Variants in CCSER1 observed in about 807,000 individuals in gnomAD.
CCSER1 encodes the protein coiled-coil serine rich protein 1.
Under a neutral mutation model 82.0 loss-of-function variants are expected in CCSER1, and 41 were observed. That is an observed-to-expected ratio of 0.50 (90% confidence interval 0.39 to 0.65). The LOEUF (loss-of-function observed/expected upper bound fraction) is 0.65, where lower values mean the gene tolerates loss of function less well. CCSER1 is among the 30% of genes least tolerant of loss of function. CCSER1 has a pLI of 0.00. For missense variants in CCSER1, 1,119 were observed against 1,064.2 expected (o/e 1.05, Z -0.72); for synonymous variants, 414 against 383.9 (o/e 1.08, Z -0.92).
intron 9 of CCSER1, among the ~76,000 whole-genome samples, chr4:90,995,253 G>A (rs1291515350): frequency 6.6e-6 from 1 of 152,134 alleles, no homozygotes; most frequent in Non-Finnish European, 1.5e-5. Context: ...GGAATGAATG[G>A]TGTGTTAAGT....
chr4:90,841,411 T>G (rs2149875118), intron 8 of CCSER1, among the ~76,000 whole-genome samples: 1 of 151,752 alleles, frequency 6.6e-6, no homozygotes, highest in African/African-American at 2.4e-5. Flanking sequence ...ACCCCGTCTC[T>G]ACTAAAAATA....
chr4:90,355,240 C>G (rs1368071912), intron 3 of CCSER1, among the ~76,000 whole-genome samples: 1 of 151,262 alleles, frequency 6.6e-6, no homozygotes, highest in East Asian at 1.9e-4. Context: ...TCCTATTTAT[C>G]AAATAGATAC....
intron 6 of CCSER1, among the ~76,000 whole-genome samples, chr4:90,662,279 G>A (rs1730967376): frequency 6.6e-6 from 1 of 152,046 alleles, no homozygotes; most frequent in South Asian, 2.1e-4. Flanking sequence ...TTACAGGCCT[G>A]AGCCACCATG....
At chr4:90,146,284 A>G (rs968498598) in intron 1 of CCSER1, among the ~76,000 whole-genome samples, 6 of 152,090 alleles carry the variant, frequency 3.9e-5, no homozygotes, top group African/African-American at 1.4e-4. Flanking sequence ...AGATCAGAGG[A>G]ATATTTTAAT....
At chr4:90,232,989 G>A (rs964479481) in intron 1 of CCSER1, among the ~76,000 whole-genome samples, 1 of 151,474 alleles carries the variant, frequency 6.6e-6, no homozygotes, top group East Asian at 1.9e-4. Context: ...TGCTGGAGAG[G>A]ATGTGGAGAA....
chr4:91,401,505 C>T (rs770596704), intron 10 of CCSER1, among the ~76,000 whole-genome samples: 2 of 151,800 alleles, frequency 1.3e-5, no homozygotes, highest in African/African-American at 2.4e-5. Flanking sequence ...CCCATTAACT[C>T]GTCATTTAAA....
intron 6 of CCSER1, among the ~76,000 whole-genome samples, chr4:90,687,209 C>CT (rs1734971877): frequency 6.6e-6 from 1 of 152,000 alleles, no homozygotes; most frequent in African/African-American, 2.4e-5. Context: ...ATGTAAAATT[C>CT]TTTTTTTCAA....
chr4:90,908,430 AG>A (rs1314938242), intron 8 of CCSER1, among the ~76,000 whole-genome samples: 2 of 152,106 alleles, frequency 1.3e-5, no homozygotes, highest in African/African-American at 4.8e-5. Flanking sequence ...AGGTGATATA[AG>A]GCAGGGGCTG....
chr4:91,331,831 A>G (rs1358832178), intron 10 of CCSER1, among the ~76,000 whole-genome samples: 2 of 152,156 alleles, frequency 1.3e-5, no homozygotes, highest in Non-Finnish European at 2.9e-5. Flanking sequence ...TTTGTTCACT[A>G]AAGAGTACTG....
intron 8 of CCSER1, among the ~76,000 whole-genome samples, chr4:90,871,855 A>T (rs553809308): frequency 1.6e-4 from 24 of 151,814 alleles, no homozygotes; most frequent in African/African-American, 5.5e-4. Flanking sequence ...TGTTGGGTGC[A>T]TATATATATT....
chr4:90,220,472 T>G (rs1430115071), intron 1 of CCSER1, among the ~76,000 whole-genome samples: 1 of 152,124 alleles, frequency 6.6e-6, no homozygotes, highest in African/African-American at 2.4e-5. Flanking sequence ...CTTTTTTTTT[T>G]GCTTTCTGTG....
chr4:90,339,054 T>C (rs1384985155), intron 3 of CCSER1, among the ~76,000 whole-genome samples: 3 of 152,194 alleles, frequency 2.0e-5, no homozygotes, highest in South Asian at 4.1e-4. Flanking sequence ...TCATAAATTG[T>C]TTATATATTT....
chr4:90,826,371 T>C (rs1328525759), intron 8 of CCSER1, among the ~76,000 whole-genome samples: 1 of 152,124 alleles, frequency 6.6e-6, no homozygotes, highest in Non-Finnish European at 1.5e-5. Flanking sequence ...TGTTTAAAAA[T>C]TTGAAAGTCA....
chr4:90,759,666 C>G (rs1189004150), intron 7 of CCSER1, among the ~76,000 whole-genome samples: 1 of 152,224 alleles, frequency 6.6e-6, no homozygotes, highest in East Asian at 1.9e-4. Flanking sequence ...CAAGGCAACT[C>G]CAGTGAAGAA....
rs866163992 is a variant in CCSER1, at chr4:91,098,635, G to A, written c.2217+12641G>A. ...CTGCTCACTGCAAGCTCCGCCTCCC[G>A]GGTTCATGCCATTCTCCTGCCTCAG... On this transcript the variant is annotated intron_variant, in intron 10 of 10. Transcript: ENST00000509176. 1.5e-4 allele frequency among the ~76,000 whole-genome samples: 22 copies of A among 151,410 alleles called. 1 individual carries two copies. In the Middle Eastern group the frequency reaches 0.021, roughly 141 times the overall value.
At chr4:91,126,314 C>T (rs369720608) in intron 10 of CCSER1, among the ~76,000 whole-genome samples, 4 of 151,916 alleles carry the variant, frequency 2.6e-5, no homozygotes, top group East Asian at 1.9e-4. Flanking sequence ...CAACCATAAC[C>T]TCAACAAACA....
At chr4:90,242,501 G>A (rs1720537037) in intron 1 of CCSER1, among the ~76,000 whole-genome samples, 1 of 152,148 alleles carries the variant, frequency 6.6e-6, no homozygotes, top group Non-Finnish European at 1.5e-5. Context: ...AAAAGCATAT[G>A]AAAAGGATGA....
intron 5 of CCSER1, among the ~76,000 whole-genome samples, chr4:90,492,745 C>T (rs1768262174): frequency 6.6e-6 from 1 of 152,172 alleles, no homozygotes; most frequent in Non-Finnish European, 1.5e-5. Context: ...TTTCAAAGAA[C>T]ATCTTTATTT....
intron 10 of CCSER1, among the ~76,000 whole-genome samples, chr4:91,507,373 A>G (rs774952410): frequency 1.3e-5 from 2 of 152,130 alleles, no homozygotes; most frequent in Non-Finnish European, 2.9e-5. Flanking sequence ...CATTTCTTCA[A>G]TTCATGATGT....
Sources: allele counts gnomAD v4.1 joint callset (sites outside exome capture counted in the v4.1 genomes callset), GRCh38; gene constraint gnomAD v4.1.1; transcripts MANE v1.5; gene names NCBI Gene and HGNC (gene_info 2026-07-23, HGNC 2026-07-21).